The following ADGB variants were observed in gnomAD, a reference collection of about 807,000 sequenced individuals.
ADGB encodes calpain-7-like protein.
A neutral mutation model predicts 210.5 loss-of-function variants in ADGB; 172 were observed. The ratio of observed to expected loss-of-function variants is 0.82; its 90% CI spans 0.72 to 0.93. The LOEUF (loss-of-function observed/expected upper bound fraction) is 0.93. Among genes scored for constraint, ADGB ranks in the 40% least tolerant of loss-of-function variants. The probability of loss-of-function intolerance (pLI) is 0.00; values close to 1 mark genes in which losing one functional copy is unlikely to be tolerated. For synonymous variants in ADGB, 658 were observed against 662.7 expected, an observed-to-expected ratio of 0.99 and a Z score of 0.11; for missense variants, 2,025 against 1,964.8, an observed-to-expected ratio of 1.03 and a Z score of -0.58.
At chr6:146,768,962 A>G in intron 28 of ADGB, 58 bp from the exon 29 acceptor site, 1 of 900,058 alleles carries the variant, frequency 1.1e-6, no homozygotes, top group Non-Finnish European at 1.7e-6. Context: ...AATAAATGAC[A>G]TTAGGCACAT....
chr6:146,651,601 G>A (rs1362283630), intron 3 of ADGB, among the ~76,000 whole-genome samples: 1 of 152,090 alleles, frequency 6.6e-6, no homozygotes, highest in Non-Finnish European at 1.5e-5. Flanking sequence ...TTGAATATTT[G>A]CCCATCTGCA....
intron 1 of ADGB, among the ~76,000 whole-genome samples, chr6:146,605,357 C>T (rs1780617099): frequency 6.6e-6 from 1 of 152,126 alleles, no homozygotes; most frequent in African/African-American, 2.4e-5. Context: ...ATACAAGCCA[C>T]ATTTCCAGCC....
At chr6:146,700,421 A>C (rs1224722408) in intron 12 of ADGB, among the ~76,000 whole-genome samples, 2 of 152,198 alleles carry the variant, frequency 1.3e-5, no homozygotes, top group Non-Finnish European at 2.9e-5. Context: ...TACTTAAAAA[A>C]TACATATACT....
rs551531684 is a variant in ADGB, at chr6:146,731,873, C to T, written c.2521-1247C>T. Among the ~76,000 whole-genome samples the T allele has an allele frequency of 5.3e-5, 8 of 152,192 alleles. No individual in the cohort carries two copies. In the South Asian group the frequency reaches 1.2e-3, roughly 24 times the overall value. On this transcript the variant is annotated intron_variant, in intron 20 of 35. Coordinates refer to ENST00000397944, the MANE Select transcript of ADGB (RefSeq NM_024694.4). ...AGCAAACCCGTTATTGTGGGGGAAT[C>T]GGGCACGGAGTCTGCAAATGGGTCA...
chr6:146,776,071 G>A (rs956035919), intron 29 of ADGB, among the ~76,000 whole-genome samples: 1 of 151,986 alleles, frequency 6.6e-6, no homozygotes, highest in Non-Finnish European at 1.5e-5. Context: ...CTGGATATAT[G>A]GAGGATATTG....
chr6:146,766,142 G>A (rs928258957), intron 28 of ADGB, among the ~76,000 whole-genome samples: 2 of 151,092 alleles, frequency 1.3e-5, no homozygotes, highest in African/African-American at 2.4e-5. Context: ...TGAGGGGGGC[G>A]GTGAGCGCAG....
rs148263914 is a variant in ADGB at position 146,809,128 on chromosome 6, G to A, written c.4819-5904G>A. Among the ~76,000 whole-genome samples the A allele has an allele frequency of 2.4e-3, 364 of 152,150 alleles. 5 individuals carry two copies. Among genetic ancestry groups the A allele is most frequent in the African/African-American group, 8.5e-3 (353 of 41,500 alleles). ...TTGAGATAATGGGAATAGGAGCCTAGGAGGGCTAGAAGCAAGAGGCCAGCA... is the reference window on the plus strand; with the variant it reads ...TTGAGATAATGGGAATAGGAGCCTAAGAGGGCTAGAAGCAAGAGGCCAGCA... On this transcript the variant is annotated intron_variant, in intron 35 of 35. Transcript: ENST00000397944.
At chr6:146,807,137 C>A (rs985255480) in intron 35 of ADGB, among the ~76,000 whole-genome samples, 12 of 152,060 alleles carry the variant, frequency 7.9e-5, no homozygotes, top group South Asian at 2.1e-4. Flanking sequence ...AAACAGAATA[C>A]CTTTGGTAAA....
intron 9 of ADGB, among the ~76,000 whole-genome samples, chr6:146,678,261 G>C (rs1284094289): frequency 2.0e-5 from 3 of 152,106 alleles, no homozygotes; most frequent in Non-Finnish European, 4.4e-5. Context: ...GAGTCTTGCT[G>C]TGTCGCCCAG....
intron 20 of ADGB, among the ~76,000 whole-genome samples, chr6:146,729,796 T>G (rs909065861): frequency 3.9e-5 from 6 of 152,158 alleles, no homozygotes; most frequent in African/African-American, 4.8e-5. Context: ...TGTCTAGGAA[T>G]TTGTCCTTTT....
chr6:146,809,637 C>A (rs537994500), intron 35 of ADGB, among the ~76,000 whole-genome samples: 2 of 151,956 alleles, frequency 1.3e-5, no homozygotes, highest in Non-Finnish European at 2.9e-5. Context: ...TAAACCACCA[C>A]ATCCAGCTTA....
chr6:146,736,409 A>G (rs1777079186), intron 22 of ADGB, 89 bp from the exon 23 acceptor site: 4 of 839,242 alleles, frequency 4.8e-6, no homozygotes, highest in Admixed American at 6.4e-5. Flanking sequence ...GTGAGTTTCA[A>G]CTTCATTTGT....
At chr6:146,649,350 T>C (rs1393725785) in intron 3 of ADGB, among the ~76,000 whole-genome samples, 2 of 152,066 alleles carry the variant, frequency 1.3e-5, no homozygotes, top group Non-Finnish European at 2.9e-5. Flanking sequence ...TATTTTGTTT[T>C]TGGCTGGGTT....
At chr6:146,740,930 T>C (rs1206349007) in intron 24 of ADGB, among the ~76,000 whole-genome samples, 188 bp from the exon 25 acceptor site, 1 of 152,148 alleles carries the variant, frequency 6.6e-6, no homozygotes, top group African/African-American at 2.4e-5. Flanking sequence ...AAAATTGATT[T>C]TTTAATAGAG....
intron 35 of ADGB, chr6:146,802,593 C>T: frequency 1.9e-6 from 1 of 533,104 alleles, no homozygotes; most frequent in Non-Finnish European, 3.3e-6. Flanking sequence ...GAAATTGAAG[C>T]TGCTCCTTTC....
chr6:146,657,641 G>T (rs1188608032), intron 5 of ADGB, among the ~76,000 whole-genome samples: 1 of 152,176 alleles, frequency 6.6e-6, no homozygotes, highest in Admixed American at 6.5e-5. Context: ...GCAGGTGGAT[G>T]CACCGGGCTT....
intron 31 of ADGB, 121 bp downstream of exon 31, chr6:146,784,915 A>G (rs1327139164): frequency 2.0e-6 from 2 of 1,006,238 alleles, no homozygotes; most frequent in African/African-American, 3.3e-5. Context: ...CTGAAATTTT[A>G]TCAGACAGGC....
intron 14 of ADGB, among the ~76,000 whole-genome samples, chr6:146,716,585 G>A (rs1008100326): frequency 1.0e-5 from 1 of 97,686 alleles, no homozygotes; most frequent in Non-Finnish European, 1.7e-5. Flanking sequence ...GGGCGACAGA[G>A]CGAGACTCCG....
intron 25 of ADGB, among the ~76,000 whole-genome samples, chr6:146,742,358 A>AT (rs541138821): frequency 1.5e-3 from 227 of 151,882 alleles, no homozygotes; most frequent in Middle Eastern, 4.3e-3. Context: ...AATAAGACAG[A>AT]TTTTTTATAT....
Sources: gnomAD v4.1 joint callset for allele counts (sites outside exome capture counted in the v4.1 genomes callset) on GRCh38, gnomAD v4.1.1 for gene constraint, MANE v1.5 for transcripts, NCBI Gene and HGNC (gene_info 2026-07-23, HGNC 2026-07-21) for gene names.